The following MYRFL variants were observed in gnomAD, a reference collection of about 807,000 sequenced individuals.
MYRFL encodes myelin regulatory factor like, also known as myelin regulatory factor-like protein.
In MYRFL, 88 loss-of-function variants were observed where a neutral mutation model predicts 109.4. That is an observed-to-expected ratio of 0.80 (90% CI 0.68 to 0.96). MYRFL has a LOEUF of 0.96. MYRFL is among the 40% of genes least tolerant of loss of function. MYRFL has a pLI of 0.00. For missense variants in MYRFL, 957 were observed against 954.9 expected, an observed-to-expected ratio of 1.00 and a Z score of -0.03; for synonymous variants, 324 against 320.9, an observed-to-expected ratio of 1.01 and a Z score of -0.10.
At chr12:69,829,902 T>C (rs1415981142) in intron 1 of MYRFL, among the ~76,000 whole-genome samples, 1 of 152,128 alleles carries the variant, frequency 6.6e-6, no homozygotes, top group African/African-American at 2.4e-5. Flanking sequence ...TGCCCAGTGC[T>C]GGCACTGGGC....
At chr12:69,832,329 G>C (rs893673125) in intron 1 of MYRFL, among the ~76,000 whole-genome samples, 7 of 152,100 alleles carry the variant, frequency 4.6e-5, no homozygotes, top group Non-Finnish European at 1.5e-5. Context: ...ATATTTGACT[G>C]TCTCTCATGA....
intron 13 of MYRFL, among the ~76,000 whole-genome samples, chr12:69,917,675 C>T (rs1244918934): frequency 6.6e-6 from 1 of 152,076 alleles, no homozygotes; most frequent in Non-Finnish European, 1.5e-5. Flanking sequence ...TGTGAGACTC[C>T]TGAGGTCAGA....
intron 11 of MYRFL, among the ~76,000 whole-genome samples, chr12:69,905,953 C>T (rs1954343633): frequency 6.6e-6 from 1 of 152,182 alleles, no homozygotes; most frequent in Non-Finnish European, 1.5e-5. Flanking sequence ...GCCTTTCTTT[C>T]ATATACTCTG....
intron 19 of MYRFL, among the ~76,000 whole-genome samples, chr12:69,941,186 C>A: frequency 4.6e-5 from 5 of 109,566 alleles, no homozygotes; most frequent in African/African-American, 1.1e-4. Context: ...AAGCGGACCT[C>A]ATAGACATCT....
intron 11 of MYRFL, among the ~76,000 whole-genome samples, chr12:69,909,092 A>T (rs1297817028): frequency 6.6e-6 from 1 of 152,256 alleles, no homozygotes; most frequent in Non-Finnish European, 1.5e-5. Context: ...AAGTCCCAAC[A>T]CTTAGTAGTG....
intron 1 of MYRFL, 48 bp from the exon 2 acceptor site, chr12:69,855,232 C>T: frequency 1.4e-6 from 1 of 690,550 alleles, no homozygotes; most frequent in Non-Finnish European, 2.6e-6. Flanking sequence ...AGCCATTGGC[C>T]ATACTGAAAT....
In MYRFL at chr12:69,910,322, C is replaced by T. The variant is rs991221640; in HGVS notation, c.1492+245C>T. ...AGGTTGAATATATAGTTTCTTTGCA[C>T]AGGAGTCCTTTTGCTCATGGGCTGA... On this transcript the variant is annotated intron_variant, in intron 12 of 24. Coordinates refer to ENST00000552032, the MANE Select transcript of MYRFL (RefSeq NM_182530.3). 3.9e-5 allele frequency among the ~76,000 whole-genome samples: 6 copies of T among 152,228 alleles called. No homozygotes were observed. The East Asian group carries it at 9.7e-4, about 24-fold the overall frequency.
chr12:69,890,358 T>C (rs932224716), intron 6 of MYRFL, among the ~76,000 whole-genome samples: 5 of 152,188 alleles, frequency 3.3e-5, no homozygotes, highest in Non-Finnish European at 7.4e-5. Flanking sequence ...ATTTCTATTG[T>C]GTTGTGGAGT....
At chr12:69,922,999 C>A (rs979321127) in intron 13 of MYRFL, among the ~76,000 whole-genome samples, 3 of 152,088 alleles carry the variant, frequency 2.0e-5, no homozygotes, top group East Asian at 1.9e-4. Flanking sequence ...AAGTTTTATT[C>A]TTTTATTTAC....
intron 7 of MYRFL, among the ~76,000 whole-genome samples, chr12:69,892,877 T>G (rs1886999363): frequency 6.6e-6 from 1 of 152,220 alleles, no homozygotes; most frequent in African/African-American, 2.4e-5. Flanking sequence ...GTTATTAAAA[T>G]TAATCTCATA....
intron 19 of MYRFL, among the ~76,000 whole-genome samples, chr12:69,942,727 G>T (rs1264233234): frequency 2.0e-5 from 3 of 151,944 alleles, no homozygotes; most frequent in Non-Finnish European, 2.9e-5. Flanking sequence ...ATTCAAATAG[G>T]AAAAGAGGAA....
rs562244596 is a variant in MYRFL, at chr12:69,930,442, C to A, written c.1831-2071C>A. Among the ~76,000 whole-genome samples the A allele has an allele frequency of 2.6e-5, 4 of 152,020 alleles. No individual in the cohort carries two copies. The South Asian group carries it at 8.3e-4, about 32-fold the overall frequency. On this transcript the variant is annotated intron_variant, in intron 15 of 24. Coordinates refer to ENST00000552032, the MANE Select transcript of MYRFL (RefSeq NM_182530.3). ...AGGTAGGTGGGTCATTCTTGCTATACGTAGGACTCAGGATGAGATAGGAAG... is the reference window on the plus strand; with the variant it reads ...AGGTAGGTGGGTCATTCTTGCTATAAGTAGGACTCAGGATGAGATAGGAAG...
chr12:69,886,311 G>A (rs1225637544), intron 5 of MYRFL, among the ~76,000 whole-genome samples: 2 of 152,062 alleles, frequency 1.3e-5, no homozygotes, highest in African/African-American at 2.4e-5. Context: ...CCTCATGTCC[G>A]AAAATGGTGC....
chr12:69,895,709 C>A (rs1953967705), intron 9 of MYRFL, among the ~76,000 whole-genome samples: 1 of 152,176 alleles, frequency 6.6e-6, no homozygotes, highest in African/African-American at 2.4e-5. Context: ...CCTGCCCTGC[C>A]CTGTCTCTGC....
intron 19 of MYRFL, among the ~76,000 whole-genome samples, chr12:69,940,699 T>A (rs1955615225): frequency 6.6e-6 from 1 of 150,430 alleles, no homozygotes; most frequent in Non-Finnish European, 1.5e-5. Context: ...ACTTTAAATG[T>A]AAATGGACTA....
rs891111906 is a variant in MYRFL, at chr12:69,858,942, G to C, written c.137+3572G>C. Among the ~76,000 whole-genome samples the C allele has an allele frequency of 7.4e-4, 112 of 151,938 alleles. 1 individual carries two copies. The highest frequency in any genetic ancestry group is 2.7e-3 in the African/African-American group (111 of 41,510). On this transcript the variant is annotated intron_variant, in intron 2 of 24. Coordinates refer to ENST00000552032, the MANE Select transcript of MYRFL (RefSeq NM_182530.3). ...AGAGTGGAAAGTGAGTTTGTGATTT[G>C]AGGTTAAACTTTGTTTTCTGATTTA...
chr12:69,881,977 T>A (rs531830642), intron 5 of MYRFL, among the ~76,000 whole-genome samples: 43 of 152,264 alleles, frequency 2.8e-4, no homozygotes, highest in African/African-American at 9.9e-4. Flanking sequence ...GCTAGCTCAC[T>A]AAGGGATACA....
Position 69,827,864 on chromosome 12 carries a change from A to G in MYRFL, c.46+2301A>G, listed in dbSNP as rs549987840. 2.6e-5 allele frequency among the ~76,000 whole-genome samples: 4 copies of G among 152,222 alleles called. No individual in the cohort carries two copies. The East Asian group carries it at 7.7e-4, about 29-fold the overall frequency. On this transcript the variant is annotated intron_variant, in intron 1 of 24. Transcript: ENST00000552032. ...TAAAACTGGGTTGAAAACAGTTAATATATTTCCATTCATGCACACACAAAT... is the reference window on the plus strand; with the variant it reads ...TAAAACTGGGTTGAAAACAGTTAATGTATTTCCATTCATGCACACACAAAT...
intron 1 of MYRFL, among the ~76,000 whole-genome samples, chr12:69,846,830 C>T (rs1262821785): frequency 6.6e-6 from 1 of 151,600 alleles, no homozygotes; most frequent in Non-Finnish European, 1.5e-5. Context: ...TAAAAGTGTT[C>T]CTATTTCTCC....
Sources: gnomAD v4.1 joint callset for allele counts (sites outside exome capture counted in the v4.1 genomes callset) on GRCh38, gnomAD v4.1.1 for gene constraint, MANE v1.5 for transcripts, NCBI Gene and HGNC (gene_info 2026-07-23, HGNC 2026-07-21) for gene names.